The following ATP6V0D2 variants were observed in gnomAD, a reference collection of about 807,000 sequenced individuals.
ATP6V0D2 encodes V-type proton ATPase subunit d 2.
A neutral mutation model predicts 40.0 loss-of-function variants in ATP6V0D2; 40 were observed. The ratio of observed to expected loss-of-function variants is 1.00; its 90% CI spans 0.78 to 1.30. The LOEUF (loss-of-function observed/expected upper bound fraction) is 1.30, where lower values mean the gene tolerates loss of function less well. ATP6V0D2 is among the 50% of genes most tolerant of loss of function. The pLI, the probability that ATP6V0D2 is intolerant of heterozygous loss-of-function variation, is 0.00. For missense variants in ATP6V0D2, 470 were observed against 423.1 expected (o/e 1.11, Z -0.97); for synonymous variants, 179 against 156.3 (o/e 1.15, Z -1.08).
chr8:86,139,784 A>T, intron 3 of ATP6V0D2, 149 bp downstream of exon 3: 1 of 792,768 alleles, frequency 1.3e-6, no homozygotes. Context: ...TACCATGCAG[A>T]TTCCTGGAAG....
At chr8:86,099,429 C>A (rs1220723552) in intron 1 of ATP6V0D2, among the ~76,000 whole-genome samples, 1 of 152,158 alleles carries the variant, frequency 6.6e-6, no homozygotes, top group Non-Finnish European at 1.5e-5. Context: ...AAAGTTCTTG[C>A]AGATACCTTG....
intron 7 of ATP6V0D2, 79 bp downstream of exon 7, chr8:86,151,619 T>C: frequency 8.9e-7 from 1 of 1,121,262 alleles, no homozygotes; most frequent in South Asian, 1.4e-5. Flanking sequence ...TTGGGTTTTC[T>C]TTTTACAGCT....
At chr8:86,112,669 G>T (rs1032603385) in intron 1 of ATP6V0D2, among the ~76,000 whole-genome samples, 5 of 152,018 alleles carry the variant, frequency 3.3e-5, no homozygotes, top group Non-Finnish European at 7.4e-5. Flanking sequence ...GGTGGGGGAA[G>T]AAATTCTAGA....
intron 2 of ATP6V0D2, among the ~76,000 whole-genome samples, chr8:86,126,236 C>CTATATATATATA (rs60590702): frequency 0.031 from 2,422 of 76,976 alleles, 247 homozygotes; most frequent in East Asian, 0.13. Context: ...CGTGCTCAGC[C>CTATATATATATA]TATATATATA....
chr8:86,132,710 C>A (rs1818843740), intron 2 of ATP6V0D2, among the ~76,000 whole-genome samples: 2 of 152,260 alleles, frequency 1.3e-5, no homozygotes, highest in South Asian at 4.1e-4. Context: ...ACCATACTTT[C>A]TTTACCCATT....
chr8:86,118,474 TAA>T, intron 2 of ATP6V0D2, among the ~76,000 whole-genome samples: 1 of 151,952 alleles, frequency 6.6e-6, no homozygotes, highest in East Asian at 1.9e-4. Flanking sequence ...ACCCAAAATG[TAA>T]AAGAGATGAA....
chr8:86,115,527 C>A (rs1416530055), intron 2 of ATP6V0D2, among the ~76,000 whole-genome samples: 4 of 151,826 alleles, frequency 2.6e-5, no homozygotes, highest in Admixed American at 6.6e-5. Context: ...TGCTGCCATG[C>A]CCGGCTAATT....
At chr8:86,099,335 T>A (rs889366652) in intron 1 of ATP6V0D2, among the ~76,000 whole-genome samples, 1 of 152,144 alleles carries the variant, frequency 6.6e-6, no homozygotes, top group African/African-American at 2.4e-5. Flanking sequence ...TCATTACTAA[T>A]GTAGGCAACA....
In ATP6V0D2 at chr8:86,152,843, A is replaced by C; in HGVS notation, c.919A>C (p.Arg307=). 1 of 1,601,096 alleles carries C rather than the reference A, an allele frequency of 6.2e-7. No individual in the cohort carries two copies. The highest frequency in any genetic ancestry group is 8.5e-7 in the Non-Finnish European group (1 of 1,176,530). ...EVQMNVLAFN[R]QFHYGVFYAY... Reference sequence around the variant, plus strand: ...ACAAATGAATGTGCTGGCATTCAACAGACAGTTCCACTACGGTGTGTTTTA... The same window carrying C: ...ACAAATGAATGTGCTGGCATTCAACCGACAGTTCCACTACGGTGTGTTTTA... Residue 307 remains arginine (R), a synonymous_variant, in exon 8 of 8, where the codon AGA becomes CGA. Transcript: ENST00000285393.
In ATP6V0D2 at chr8:86,125,936, A is replaced by G. The variant is rs1818735805; in HGVS notation, c.302+12056A>G. 2.0e-5 allele frequency among the ~76,000 whole-genome samples: 3 copies of G among 149,458 alleles called. No individual in the cohort carries two copies. The South Asian group carries it at 6.3e-4, about 31-fold the overall frequency. ...ATGTATTATTTACTTAATTTAATTC[A>G]TTAACTTATTTGTTTTTCTGAGACA... On this transcript the variant is annotated intron_variant, in intron 2 of 7. Transcript: ENST00000285393.
At chr8:86,118,319 C>T (rs1446496579) in intron 2 of ATP6V0D2, among the ~76,000 whole-genome samples, 4 of 151,376 alleles carry the variant, frequency 2.6e-5, no homozygotes, top group African/African-American at 9.8e-5. Flanking sequence ...AGTGATCCAC[C>T]CGCCTCAGAC....
intron 2 of ATP6V0D2, among the ~76,000 whole-genome samples, chr8:86,131,745 C>T (rs1818827844): frequency 6.6e-6 from 1 of 152,100 alleles, no homozygotes; most frequent in South Asian, 2.1e-4. Context: ...CGGTGATTTG[C>T]CCACCTCAGC....
Position 86,113,922 on chromosome 8 carries a change from G to A in ATP6V0D2, c.302+42G>A, listed in dbSNP as rs17602780. ...AGCCCTAATAAGCCCCAATGTACTC[G>A]TGCGGATGACCCCTAACAATTACAG... On this transcript the variant is annotated intron_variant, in intron 2 of 7. Transcript: ENST00000285393. 0.097 allele frequency: 150,487 copies of A among 1,549,768 alleles called. 8,059 individuals carry two copies. Among genetic ancestry groups the A allele is most frequent in the Non-Finnish European group, 0.11 (122,919 of 1,143,070 alleles).
At chr8:86,149,072 AAAAC>A (rs1419481089) in intron 5 of ATP6V0D2, among the ~76,000 whole-genome samples, 8 of 150,206 alleles carry the variant, frequency 5.3e-5, no homozygotes, top group East Asian at 4.0e-4. Context: ...AAAAAAAAAA[AAAAC>A]CAATGAACAA....
intron 3 of ATP6V0D2, 39 bp from the exon 4 acceptor site, chr8:86,141,411 T>C (rs751324227): frequency 6.7e-7 from 1 of 1,500,386 alleles, no homozygotes; most frequent in Non-Finnish European, 9.2e-7. Flanking sequence ...ATAATCTTGC[T>C]TAAGATTCAT....
At chr8:86,142,147 A>C (rs118029241) in intron 4 of ATP6V0D2, among the ~76,000 whole-genome samples, 115 of 152,332 alleles carry the variant, frequency 7.5e-4, no homozygotes, top group Non-Finnish European at 1.4e-3. Context: ...CAGTAACTGA[A>C]CATATATGGC....
chr8:86,120,852 C>T (rs1818659697), intron 2 of ATP6V0D2, among the ~76,000 whole-genome samples: 1 of 152,096 alleles, frequency 6.6e-6, no homozygotes. Flanking sequence ...ATGATCTCAC[C>T]ACTGTCCTCC....
At position 86,114,136 on chromosome 8, in the gene ATP6V0D2, AT is replaced by A. The variant is rs1475306158; in HGVS notation, c.302+259del. On this transcript the variant is annotated intron_variant, in intron 2 of 7. Transcript: ENST00000285393. ...ATCTAAAGGAATCTTTTCAGTTTTC[AT>A]TTAAAAAAAAAAAGTGTTGCCAGTG... 3.6e-5 allele frequency among the ~76,000 whole-genome samples: 4 copies of A among 110,072 alleles called. No individual in the cohort carries two copies. In the East Asian group the frequency reaches 1.1e-3, roughly 29 times the overall value. The allele number at this position is 110,072 out of a possible 152,430, so 72.2% of individuals were successfully genotyped here.
chr8:86,124,612 T>C (rs57903871), intron 2 of ATP6V0D2, among the ~76,000 whole-genome samples: 3,294 of 152,248 alleles, frequency 0.022, 115 homozygotes, highest in African/African-American at 0.075. Context: ...ACCCCAAAAA[T>C]GTCCCTTAGT....
Sources: gnomAD v4.1 joint callset for allele counts (sites outside exome capture counted in the v4.1 genomes callset) on GRCh38, gnomAD v4.1.1 for gene constraint, MANE v1.5 for transcripts, NCBI Gene and HGNC (gene_info 2026-07-23, HGNC 2026-07-21) for gene names.